PPP1R13B: variants seen among roughly 807,000 people sequenced by gnomAD.
PPP1R13B encodes apoptosis-stimulating of p53 protein 1.
PPP1R13B carries 44 observed loss-of-function variants against 119.8 expected under a neutral mutation model. The observed-to-expected ratio is 0.37, with a 90% CI of 0.29 to 0.47. PPP1R13B has a LOEUF of 0.47. Ranked by LOEUF, PPP1R13B falls within the 20% of genes least tolerant of loss-of-function variation. The pLI is 0.99. For synonymous variants in PPP1R13B, 542 were observed against 561.5 expected (o/e 0.97, Z 0.49); for missense variants, 1,227 against 1,413.5 (o/e 0.87, Z 2.12).
At chr14:103,802,652 G>A (rs2085927592) in intron 1 of PPP1R13B, among the ~76,000 whole-genome samples, 1 of 152,260 alleles carries the variant, frequency 6.6e-6, no homozygotes, top group Middle Eastern at 3.4e-3. Context: ...TACTTGCTCT[G>A]AAACGCGGAA....
chr14:103,778,655 C>A, intron 4 of PPP1R13B, 90 bp downstream of exon 4: 1 of 1,012,412 alleles, frequency 9.9e-7, no homozygotes. Flanking sequence ...ATCCTCCCAC[C>A]TTGGCCTCCC....
rs77692247 is a variant in PPP1R13B, at chr14:103,765,400, C to A, written c.355-7649G>T. On this transcript the variant is annotated intron_variant, in intron 4 of 16. Transcript: ENST00000202556. ...GCACTTAGTTTATAGGAGAACACAC[C>A]TTGCCAAAACATCCACTTCTGGCCT... Among the ~76,000 whole-genome samples, 9 of 152,280 alleles carry A rather than the reference C, an allele frequency of 5.9e-5. No individual in the cohort carries two copies. In the East Asian group the frequency reaches 1.7e-3, roughly 29 times the overall value.
intron 2 of PPP1R13B, among the ~76,000 whole-genome samples, chr14:103,793,081 G>T (rs1356944492): frequency 7.8e-6 from 1 of 128,298 alleles, no homozygotes. Context: ...TAGAAAAGGG[G>T]AAGGGAAGGA....
chr14:103,810,926 TAAA>T (rs35556963), intron 1 of PPP1R13B, among the ~76,000 whole-genome samples: 1 of 133,206 alleles, frequency 7.5e-6, no homozygotes. Context: ...CCGTCTCTAC[TAAA>T]AAAAAAAAAA....
At chr14:103,829,644 A>G (rs1018448915) in intron 1 of PPP1R13B, among the ~76,000 whole-genome samples, 2 of 152,180 alleles carry the variant, frequency 1.3e-5, no homozygotes, top group African/African-American at 4.8e-5. Flanking sequence ...GGGTCTCACT[A>G]TGCCACCTAG....
Position 103,740,516 on chromosome 14 carries a change from C to A in PPP1R13B, c.1900G>T (p.Gly634Cys). Residue 634 changes from glycine to cysteine, a missense_variant, in exon 12 of 17, where the codon GGC (glycine) becomes TGC (cysteine). Transcript: ENST00000202556. The surrounding 1 kb of genome is among the most constrained non-coding windows in gnomAD (Gnocchi z 4.6). Reference sequence around the variant, plus strand: ...GAAGGTGGCTGAGGCTGTGGTGTGCCCGTGGACAGTGACCCGTGAAGAAAC... The same window carrying A: ...GAAGGTGGCTGAGGCTGTGGTGTGCACGTGGACAGTGACCCGTGAAGAAAC... Reference protein sequence around the residue: ...LPFLHGSLSTGTPQPQPPSES... With the variant: ...LPFLHGSLSTCTPQPQPPSES... 6.3e-7 allele frequency: 1 copy of A among 1,596,660 alleles called. No homozygotes were observed. Among genetic ancestry groups the A allele is most frequent in the Non-Finnish European group, 8.6e-7 (1 of 1,169,426 alleles).
intron 1 of PPP1R13B, among the ~76,000 whole-genome samples, chr14:103,836,193 C>G (rs940650061): frequency 7.9e-5 from 12 of 151,700 alleles, no homozygotes; most frequent in Admixed American, 5.3e-4. Context: ...TTACAGGCGC[C>G]CGCCACCACA....
At chr14:103,837,907 T>G (rs2086814533) in intron 1 of PPP1R13B, among the ~76,000 whole-genome samples, 1 of 152,014 alleles carries the variant, frequency 6.6e-6, no homozygotes, top group Non-Finnish European at 1.5e-5. Context: ...TCACCTGAGG[T>G]CAGGAGTTCA....
At chr14:103,755,167 CA>C (rs1567097347) in intron 5 of PPP1R13B, among the ~76,000 whole-genome samples, 1 of 152,186 alleles carries the variant, frequency 6.6e-6, no homozygotes, top group African/African-American at 2.4e-5. Flanking sequence ...TGCACTAACA[CA>C]GTCTCCTCTT....
rs776597140 is a variant in PPP1R13B at position 103,741,974 on chromosome 14, T to C, written c.1638A>G (p.Glu546=). ...GCCTAATGGCCACTGTCAGTGGGAGTTCAGGCTTGCTGTCCCCAGCTGGAA... is the reference window on the plus strand; with the variant it reads ...GCCTAATGGCCACTGTCAGTGGGAGCTCAGGCTTGCTGTCCCCAGCTGGAA... ...PAFPAGDSKP[E]LPLTVAIRPF... Residue 546 remains glutamate, a synonymous_variant, in exon 11 of 17, where the codon GAA becomes GAG. Coordinates refer to ENST00000202556, the MANE Select transcript of PPP1R13B (RefSeq NM_015316.3). The C allele has an allele frequency of 1.7e-5, 28 of 1,614,102 alleles. No individual in the cohort carries two copies. Among genetic ancestry groups the C allele is most frequent in the Non-Finnish European group, 2.3e-5 (27 of 1,180,034 alleles).
At chr14:103,743,956 C>G (rs1231261342) in intron 9 of PPP1R13B, 1 of 152,256 alleles carries the variant, frequency 6.6e-6, no homozygotes, top group African/African-American at 2.4e-5. Flanking sequence ...GATGCAGGCT[C>G]CAGGCAGCGG....
intron 8 of PPP1R13B, 177 bp from the exon 9 acceptor site, chr14:103,746,730 G>C: frequency 5.7e-6 from 3 of 526,268 alleles, no homozygotes; most frequent in Non-Finnish European, 6.6e-6. Flanking sequence ...AGGAACTGTA[G>C]CTTCCTATGA....
At chr14:103,808,634 A>AC (rs1024151960) in intron 1 of PPP1R13B, among the ~76,000 whole-genome samples, 4 of 151,864 alleles carry the variant, frequency 2.6e-5, no homozygotes, top group African/African-American at 7.3e-5. Context: ...GTTCAGCACT[A>AC]CCCCCTTCCC....
At position 103,738,943 on chromosome 14, in the gene PPP1R13B, C is replaced by A; in HGVS notation, c.2673G>T (p.Leu891=). The change falls in exon 13 of 17, where the codon CTG becomes CTT. Residue 891 remains leucine (L), a synonymous_variant. Transcript: ENST00000202556. The surrounding 1 kb of genome is among the most constrained non-coding windows in gnomAD (Gnocchi z 5.6). ...GLRVRFNPLA[L]LLDASLEGEF... ...CTCCTTCCAGAGACGCGTCTAGGAG[C>A]AGTGCCAGGGGGTTAAACCGGACTC... 6.2e-7 allele frequency: 1 copy of A among 1,614,156 alleles called. No individual in the cohort carries two copies.
rs751791559 is a variant in PPP1R13B, at chr14:103,736,316, C to T, written c.3032-114G>A. The T allele has an allele frequency of 1.1e-4, 121 of 1,121,836 alleles. No individual in the cohort carries two copies. The highest frequency in any genetic ancestry group is 1.5e-4 in the Non-Finnish European group (113 of 765,358). The allele number at this position is 1,121,836 out of a possible 1,614,324, so 69.5% of individuals were successfully genotyped here. ...TGCCGAGGCTGCTCTCAGCAGGCCC[C>T]ACAGAGGCCAGCGAGGGAGATGAGA... is the stretch of plus-strand genomic sequence containing the variant. On this transcript the variant is annotated intron_variant, in intron 15 of 16. Coordinates refer to ENST00000202556, the MANE Select transcript of PPP1R13B (RefSeq NM_015316.3).
chr14:103,786,088 G>A (rs963534351), intron 2 of PPP1R13B, among the ~76,000 whole-genome samples: 1 of 152,140 alleles, frequency 6.6e-6, no homozygotes, highest in Non-Finnish European at 1.5e-5. Context: ...CACCCAGGCT[G>A]GAGTGCAGTG....
intron 2 of PPP1R13B, among the ~76,000 whole-genome samples, chr14:103,793,755 TACTG>T (rs1270856798): frequency 2.0e-5 from 3 of 152,200 alleles, no homozygotes; most frequent in African/African-American, 7.2e-5. Context: ...TTATCTACCT[TACTG>T]ACTGCCATTA....
At chr14:103,790,831 C>T (rs2085599406) in intron 2 of PPP1R13B, among the ~76,000 whole-genome samples, 1 of 152,194 alleles carries the variant, frequency 6.6e-6, no homozygotes, top group African/African-American at 2.4e-5. Flanking sequence ...ATGGCGAAAC[C>T]TCATCTCTAC....
intron 1 of PPP1R13B, among the ~76,000 whole-genome samples, chr14:103,824,246 G>A (rs992813230): frequency 2.7e-5 from 4 of 149,842 alleles, no homozygotes; most frequent in Non-Finnish European, 4.5e-5. Flanking sequence ...GGATTTCACC[G>A]TGTTAGCCAG....
Sources: allele counts gnomAD v4.1 joint callset (sites outside exome capture counted in the v4.1 genomes callset), GRCh38; gene constraint gnomAD v4.1.1; non-coding constraint Gnocchi (gnomAD v3.1); transcripts MANE v1.5; gene names NCBI Gene and HGNC (gene_info 2026-07-23, HGNC 2026-07-21).